Variants in RPS6KA2 observed in about 807,000 individuals in gnomAD.
The protein encoded by RPS6KA2 is ribosomal protein S6 kinase A2.
Under a neutral mutation model 91.8 loss-of-function variants are expected in RPS6KA2, and 42 were observed. The ratio of observed to expected loss-of-function variants is 0.46; its 90% CI spans 0.36 to 0.59. RPS6KA2 has a LOEUF of 0.59. RPS6KA2 is among the 20% of genes least tolerant of loss of function. RPS6KA2 has a pLI of 0.00. For synonymous variants in RPS6KA2, 414 were observed against 393.6 expected, an observed-to-expected ratio of 1.05 and a Z score of -0.61; for missense variants, 798 against 978.5, an observed-to-expected ratio of 0.82 and a Z score of 2.46.
At chr6:166,759,908 G>T (rs1172140485) in intron 2 of RPS6KA2, among the ~76,000 whole-genome samples, 1 of 152,224 alleles carries the variant, frequency 6.6e-6, no homozygotes, top group East Asian at 1.9e-4. Flanking sequence ...TACTGCAGGG[G>T]ATTTCTGAGT....
rs151065303 is a variant in RPS6KA2 at position 166,681,486 on chromosome 6, C to T, written c.124-142702G>A. Among the ~76,000 whole-genome samples, 51 of 152,294 alleles carry T rather than the reference C, an allele frequency of 3.3e-4. 1 individual carries two copies. In the South Asian group the frequency reaches 9.5e-3, roughly 28 times the overall value. ...ACACGGCATCTCCTACCCCTAATTC[C>T]TCTCTGACACCTGCAGCCACGGCTG... On this transcript the variant is annotated intron_variant, in intron 2 of 21. Coordinates refer to the RPS6KA2 transcript ENST00000503859.
At chr6:166,519,751 C>T (rs577267200) in intron 3 of RPS6KA2, among the ~76,000 whole-genome samples, 39 of 152,308 alleles carry the variant, frequency 2.6e-4, no homozygotes, top group African/African-American at 9.1e-4. Context: ...TTCTGGAACC[C>T]CTCTTCAAGG....
intron 19 of RPS6KA2, 81 bp from the exon 20 acceptor site, chr6:166,414,012 C>T: frequency 1.5e-6 from 2 of 1,363,218 alleles, no homozygotes; most frequent in South Asian, 2.6e-5. Context: ...CAGAACTCCT[C>T]TCCCTCTATG....
intron 2 of RPS6KA2, among the ~76,000 whole-genome samples, chr6:166,783,494 C>G (rs577734376): frequency 1.3e-5 from 2 of 152,194 alleles, no homozygotes; most frequent in African/African-American, 4.8e-5. Flanking sequence ...TTAACAAAAG[C>G]AAATTGCTGT....
chr6:166,500,968 A>G lies in RPS6KA2; in HGVS notation c.567-44T>C. 1 of 1,593,400 alleles carries G rather than the reference A, an allele frequency of 6.3e-7. No homozygotes were observed. Among genetic ancestry groups the G allele is most frequent in the Non-Finnish European group, 8.6e-7 (1 of 1,162,390 alleles). On this transcript the variant is annotated intron_variant, in intron 6 of 20. Transcript: ENST00000265678. The surrounding 1 kb of genome is among the most constrained non-coding windows in gnomAD (Gnocchi z 4.3). ...AAACAGATGCTTTAGAAAGAGACCC[A>G]GCCTGCCGACGGGCACGCAGAGCTC...
At chr6:166,608,686 C>G (rs1170000032) in intron 1 of RPS6KA2, among the ~76,000 whole-genome samples, 1 of 152,152 alleles carries the variant, frequency 6.6e-6, no homozygotes, top group East Asian at 1.9e-4. Context: ...TCCTATGAGG[C>G]CTACAGAATG....
chr6:166,710,005 A>G (rs182936880), intron 2 of RPS6KA2, among the ~76,000 whole-genome samples: 77 of 152,312 alleles, frequency 5.1e-4, no homozygotes, highest in Non-Finnish European at 7.4e-5. Context: ...CAGAATCTTC[A>G]CTCTGAAGTA....
chr6:166,627,942 G>C (rs375140336), upstream of RPS6KA2: 11 of 152,320 alleles, frequency 7.2e-5, 1 homozygote, highest in East Asian at 1.2e-3. Flanking sequence ...GCCCTCCGCG[G>C]AACCGGCGCC....
intron 1 of RPS6KA2, among the ~76,000 whole-genome samples, chr6:166,590,387 G>C (rs561137977): frequency 6.6e-6 from 1 of 152,164 alleles, no homozygotes; most frequent in East Asian, 1.9e-4. Flanking sequence ...TGTGAACTCC[G>C]TGTCAGACTC....
intron 2 of RPS6KA2, among the ~76,000 whole-genome samples, chr6:166,798,298 G>A (rs1779275691): frequency 6.6e-6 from 1 of 152,234 alleles, no homozygotes; most frequent in African/African-American, 2.4e-5. Flanking sequence ...GCCCAGCTCA[G>A]GGATGAGTTA....
rs1281029658 is a variant in RPS6KA2, at chr6:166,440,606, T to C, written c.1333-8116A>G. On this transcript the variant is annotated intron_variant, in intron 14 of 20. Transcript: ENST00000265678. The stretch of plus-strand genomic sequence containing the variant: ...AAAATTGGATTCATCAAATGAATCT[T>C]TGGCCAACAACTGTTTGAGAACGAA... Among the ~76,000 whole-genome samples, 42 of 152,234 alleles carry C rather than the reference T, an allele frequency of 2.8e-4. 2 individuals carry two copies. Among genetic ancestry groups the C allele is most frequent in the Non-Finnish European group, 4.4e-5 (3 of 68,038 alleles).
chr6:166,550,431 C>A (rs1408944212), intron 1 of RPS6KA2, among the ~76,000 whole-genome samples: 2 of 129,658 alleles, frequency 1.5e-5, no homozygotes, highest in South Asian at 2.7e-4. Context: ...AAAGAATAAA[C>A]CTATTAATTG....
chr6:166,631,271 G>C (rs1787067144), upstream of RPS6KA2, among the ~76,000 whole-genome samples: 2 of 152,258 alleles, frequency 1.3e-5, no homozygotes, highest in South Asian at 4.1e-4. Context: ...CCTGGTTTCT[G>C]AGTAGTCAGG....
At position 166,445,367 on chromosome 6, in the gene RPS6KA2, G is replaced by T. The variant is rs1779644838; in HGVS notation, c.1332+3357C>A. 6.6e-6 allele frequency among the ~76,000 whole-genome samples: 1 copy of T among 152,178 alleles called. No individual in the cohort carries two copies. The highest frequency in any genetic ancestry group is 2.1e-4 in the South Asian group (1 of 4,830). ...CCATCTCCAAAATATCAACCTCCTG[G>T]CCTTTATCTACATGAGACCTGCTCT... is the stretch of plus-strand genomic sequence containing the variant. On this transcript the variant is annotated intron_variant, in intron 14 of 20. Coordinates refer to ENST00000265678, the MANE Select transcript of RPS6KA2 (RefSeq NM_021135.6). The surrounding 1 kb of genome is among the most constrained non-coding windows in gnomAD (Gnocchi z 4.5).
chr6:166,666,266 G>C lies in RPS6KA2; in HGVS notation c.124-127482C>G, dbSNP rs971932277. 2.0e-5 allele frequency among the ~76,000 whole-genome samples: 3 copies of C among 152,120 alleles called. No individual in the cohort carries two copies. Among genetic ancestry groups the C allele is most frequent in the Admixed American group, 6.5e-5 (1 of 15,274 alleles). ...GACTGGCATCTTCCCAGCAAAGTAG[G>C]GGGCAAGGGAGCACTCTGTAAAAGC... On this transcript the variant is annotated intron_variant, in intron 2 of 21. Coordinates refer to the RPS6KA2 transcript ENST00000503859. The surrounding 1 kb of genome is among the most constrained non-coding windows in gnomAD (Gnocchi z 4.0).
chr6:166,672,283 C>T (rs113989108), intron 2 of RPS6KA2, among the ~76,000 whole-genome samples: 42 of 152,222 alleles, frequency 2.8e-4, no homozygotes, highest in African/African-American at 8.9e-4. Flanking sequence ...TCCTGCACCA[C>T]AAGCGATACT....
At chr6:166,819,631 T>A (rs1779853954) in intron 2 of RPS6KA2, among the ~76,000 whole-genome samples, 1 of 152,208 alleles carries the variant, frequency 6.6e-6, no homozygotes, top group Admixed American at 6.5e-5. Context: ...TCATTTATAG[T>A]CTTTTGGTAA....
chr6:166,764,018 G>A (rs938151468), intron 2 of RPS6KA2, among the ~76,000 whole-genome samples: 5 of 152,208 alleles, frequency 3.3e-5, no homozygotes, highest in South Asian at 2.1e-4. Flanking sequence ...CTTGTTGTTC[G>A]GCTAGAAAGA....
intron 2 of RPS6KA2, among the ~76,000 whole-genome samples, chr6:166,535,966 G>T (rs145153084): frequency 6.6e-6 from 1 of 152,218 alleles, no homozygotes; most frequent in African/African-American, 2.4e-5. Context: ...GAAGAGCAGC[G>T]GCTTCGGAGA....
Sources: allele counts gnomAD v4.1 joint callset (sites outside exome capture counted in the v4.1 genomes callset), GRCh38; gene constraint gnomAD v4.1.1; non-coding constraint Gnocchi (gnomAD v3.1); transcripts MANE v1.5; gene names NCBI Gene and HGNC (gene_info 2026-07-23, HGNC 2026-07-21).